SLC28A1: variants seen among roughly 807,000 people sequenced by gnomAD.
SLC28A1 encodes the protein solute carrier family 28 member 1.
SLC28A1 carries 64 observed loss-of-function variants against 74.8 expected under a neutral mutation model. That is an observed-to-expected ratio of 0.86 (90% CI 0.70 to 1.05). SLC28A1 has a LOEUF of 1.05. Among genes scored for constraint, SLC28A1 ranks in the 50% least tolerant of loss-of-function variants. The pLI, the probability that SLC28A1 is intolerant of heterozygous loss-of-function variation, is 0.00. For missense variants in SLC28A1, 828 were observed against 822.8 expected (o/e 1.01, Z -0.08); for synonymous variants, 359 against 335.0 (o/e 1.07, Z -0.78).
chr15:84,894,811 C>T, intron 5 of SLC28A1, 129 bp from the exon 6 acceptor site: 1 of 863,856 alleles, frequency 1.2e-6, no homozygotes, highest in Admixed American at 1.8e-5. Context: ...GAAACAGGCT[C>T]AGTGAGGTTG....
Position 84,904,135 on chromosome 15 carries a change from G to A in SLC28A1, c.500G>A (p.Trp167Ter). Residue 167 changes from tryptophan (W) to a stop codon, truncating the protein, a stop_gained, in exon 7 of 19, where the codon TGG (tryptophan) becomes TAG (stop). Transcript: ENST00000394573. LOFTEE classifies it high-confidence loss of function. Reference sequence around the variant, plus strand: ...GCTGCTTTCCTGGGCCTGGTCCTGTGGCTGTCTCTGGACACCTCCCAGCGG... The same window carrying A: ...GCTGCTTTCCTGGGCCTGGTCCTGTAGCTGTCTCTGGACACCTCCCAGCGG... ...ALAAFLGLVL[W>*]LSLDTSQRPE... 6.2e-7 allele frequency: 1 copy of A among 1,614,172 alleles called. No individual in the cohort carries two copies.
At chr15:84,933,419 A>C (rs1009138405) in intron 13 of SLC28A1, 144 bp downstream of exon 13, 1 of 987,328 alleles carries the variant, frequency 1.0e-6, no homozygotes, top group African/African-American at 1.6e-5. Flanking sequence ...TTTGGGCTTC[A>C]TTTGCTGTCT....
chr15:84,926,628 C>T, intron 12 of SLC28A1: 1 of 446,910 alleles, frequency 2.2e-6, no homozygotes, highest in Non-Finnish European at 4.5e-6. Context: ...ACTGGACAGC[C>T]TAAATGCCCA....
chr15:84,947,397 A>G (rs1420938322), downstream of SLC28A1, among the ~76,000 whole-genome samples: 3 of 152,182 alleles, frequency 2.0e-5, no homozygotes, highest in Non-Finnish European at 2.9e-5. Flanking sequence ...CAGCCCAAGG[A>G]CTGCCCTTGA....
chr15:84,910,131 A>G (rs539348208), intron 9 of SLC28A1, among the ~76,000 whole-genome samples: 7 of 152,252 alleles, frequency 4.6e-5, no homozygotes, highest in African/African-American at 1.7e-4. Context: ...CAGCCCTAGG[A>G]GGAAAGGGAG....
chr15:84,974,112 G>T, the SLC28A1 span, among the ~76,000 whole-genome samples: 1 of 152,166 alleles, frequency 6.6e-6, no homozygotes, highest in Middle Eastern at 3.2e-3. Context: ...TTTGGATTAA[G>T]AACTTTAAAA....
intron 11 of SLC28A1, 76 bp downstream of exon 11, chr15:84,921,145 G>C (rs992450627): frequency 8.9e-7 from 1 of 1,117,614 alleles, no homozygotes; most frequent in Admixed American, 1.8e-5. Context: ...GATCCCCAGA[G>C]CTCTGATTCA....
chr15:84,913,222 A>C (rs565492334), intron 9 of SLC28A1, among the ~76,000 whole-genome samples: 35 of 152,256 alleles, frequency 2.3e-4, no homozygotes, highest in South Asian at 6.2e-4. Flanking sequence ...AGCATCTTCC[A>C]GCTTTGGGTT....
chr15:84,905,765 T>C, intron 8 of SLC28A1, 113 bp downstream of exon 8: 1 of 830,236 alleles, frequency 1.2e-6, no homozygotes, highest in Non-Finnish European at 2.0e-6. Context: ...GCTTGGGACC[T>C]GGAGGGTGGG....
At chr15:84,954,905 C>T in the SLC28A1 span, among the ~76,000 whole-genome samples, 31 of 152,256 alleles carry the variant, frequency 2.0e-4, 1 homozygote, top group Non-Finnish European at 1.9e-4. Flanking sequence ...TTGAGAAAGA[C>T]GGCATGGTAG....
intron 9 of SLC28A1, among the ~76,000 whole-genome samples, chr15:84,916,977 G>A (rs546790516): frequency 3.1e-4 from 45 of 143,370 alleles, no homozygotes; most frequent in African/African-American, 1.1e-3. Flanking sequence ...GTAGTGAGCC[G>A]AGATCGTACC....
chr15:84,952,260 C>T, the SLC28A1 span, among the ~76,000 whole-genome samples: 1 of 152,214 alleles, frequency 6.6e-6, no homozygotes, highest in African/African-American at 2.4e-5. Flanking sequence ...GCAGTTTTCT[C>T]ATCCTCACAC....
chr15:84,967,773 A>T, the SLC28A1 span, among the ~76,000 whole-genome samples: 4 of 152,124 alleles, frequency 2.6e-5, no homozygotes, highest in African/African-American at 7.2e-5. Context: ...TTTCTAAGAA[A>T]GTGTCACTGT....
chr15:84,940,332 G>A (rs189017710), intron 15 of SLC28A1, among the ~76,000 whole-genome samples: 6 of 152,246 alleles, frequency 3.9e-5, no homozygotes, highest in Admixed American at 3.9e-4. Context: ...CCAGGACAGA[G>A]TTATCTAAAG....
chr15:84,935,179 A>G lies in SLC28A1; in HGVS notation c.1368A>G (p.Gln456=), dbSNP rs2242048. 1,420,752 of 1,613,972 alleles carry G rather than the reference A, an allele frequency of 0.88. 626,315 individuals are homozygous for G. Among genetic ancestry groups the G allele is most frequent in the East Asian group, 0.96 (43,018 of 44,880 alleles). The change falls in exon 14 of 19, where the codon CAA becomes CAG. Residue 456 remains glutamine (Q), a synonymous_variant. Transcript: ENST00000394573. ...LSWLGDMVDI[Q]GLSFQLICSY... is the part of the protein sequence containing the mutation. The stretch of plus-strand genomic sequence containing the variant: ...GGCTGGGAGACATGGTGGACATCCA[A>G]GGGCTCAGCTTCCAGGTGCGTTTCT...
At chr15:84,965,901 GGA>G in the SLC28A1 span, among the ~76,000 whole-genome samples, 124 of 149,516 alleles carry the variant, frequency 8.3e-4, 2 homozygotes, top group South Asian at 5.3e-3. Flanking sequence ...AGGGAGGCGG[GGA>G]GGGGGGGGAA....
intron 12 of SLC28A1, 94 bp from the exon 13 acceptor site, chr15:84,933,051 C>A: frequency 8.0e-7 from 1 of 1,244,582 alleles, no homozygotes; most frequent in Non-Finnish European, 1.2e-6. Flanking sequence ...GTGGGACAGA[C>A]TACACATGTG....
downstream of SLC28A1, among the ~76,000 whole-genome samples, chr15:84,946,721 C>T (rs969785162): frequency 3.9e-5 from 6 of 152,208 alleles, no homozygotes; most frequent in African/African-American, 7.2e-5. Flanking sequence ...CCCTCACCTC[C>T]CTCGCTGCCT....
rs1196209657 is a variant in SLC28A1 at position 84,888,842 on chromosome 15, C to T, written c.167C>T (p.Pro56Leu). 20 of 1,552,424 alleles carry T rather than the reference C, an allele frequency of 1.3e-5. No homozygotes were observed. Among genetic ancestry groups the T allele is most frequent in the Middle Eastern group, 3.4e-4 (2 of 5,968 alleles). ...EIRSSWSEAA[P>L]KPFSRWRNLQ... Reference sequence around the variant, plus strand: ...AGGAGCAGCTGGAGCGAGGCGGCGCCGAAGCCCTTCTCCAGATGGTAGGTG... The same window carrying T: ...AGGAGCAGCTGGAGCGAGGCGGCGCTGAAGCCCTTCTCCAGATGGTAGGTG... Residue 56 changes from proline to leucine, a missense_variant, in exon 4 of 19, where the codon CCG (proline) becomes CTG (leucine). Physicochemically the swap from Pro to Leu is moderately conservative, Grantham distance 98. Around this residue, in one of 3 missense-constraint regions of SLC28A1, gnomAD observed 767 missense variants for 753.5 expected, o/e 1.02. Transcript: ENST00000394573.
Sources: allele counts gnomAD v4.1 joint callset (sites outside exome capture counted in the v4.1 genomes callset), GRCh38; gene constraint gnomAD v4.1.1; regional missense constraint gnomAD v4.1.1; transcripts MANE v1.5; gene names NCBI Gene and HGNC (gene_info 2026-07-23, HGNC 2026-07-21).